Variants in ARID1B observed in about 807,000 individuals in gnomAD.
ARID1B encodes AT-rich interactive domain-containing protein 1B.
Under a neutral mutation model 212.3 loss-of-function variants are expected in ARID1B, and 30 were observed. That is an observed-to-expected ratio of 0.14 (90% confidence interval 0.11 to 0.19). The LOEUF is 0.19. Ranked by LOEUF, ARID1B falls within the 10% of genes least tolerant of loss-of-function variation. The pLI is 1.00. For missense variants in ARID1B, 2,891 were observed against 3,204.0 expected (o/e 0.90, Z 2.36); for synonymous variants, 1,402 against 1,301.7 (o/e 1.08, Z -1.66).
intron 1 of ARID1B, among the ~76,000 whole-genome samples, chr6:156,797,494 T>G (rs1274665206): frequency 1.3e-5 from 2 of 152,230 alleles, no homozygotes; most frequent in African/African-American, 4.8e-5. Flanking sequence ...TTGCCCGTGG[T>G]TGAAATGACC....
At position 157,134,249 on chromosome 6, in the gene ARID1B, C is replaced by T. The variant is rs548047905; in HGVS notation, c.2761+1042C>T. On this transcript the variant is annotated intron_variant, in intron 7 of 19. Transcript: ENST00000636930. ...TTTTACCTGCTGGTTCTCAGAAAAT[C>T]GCATCTTTCTGATGTATAGTACTTT... 4.6e-5 allele frequency among the ~76,000 whole-genome samples: 7 copies of T among 152,296 alleles called. No individual in the cohort carries two copies. The East Asian group carries it at 1.2e-3, about 25-fold the overall frequency.
In ARID1B at chr6:156,778,366, G is replaced by A. The variant is rs1208360824; in HGVS notation, c.686G>A (p.Gly229Asp). The A allele has an allele frequency of 8.8e-5, 136 of 1,539,242 alleles. No individual in the cohort carries two copies. The highest frequency in any genetic ancestry group is 1.1e-4 in the Non-Finnish European group (131 of 1,146,228). ...NNNSLGGAGG[G>D]APQPGPDMEQ... is the part of the protein sequence containing the mutation. The stretch of plus-strand genomic sequence containing the variant: ...AACAGCTTGGGCGGCGCGGGCGGCG[G>A]CGCGCCTCAGCCCGGCCCCGACATG... The change falls in exon 1 of 20, where the codon GGC becomes GAC. Residue 229 changes from glycine to aspartate, a missense_variant. By Grantham distance (94) the Gly-to-Asp change is moderately conservative. This residue lies in a region of ARID1B where 1,643 missense variants were observed against 1,544.0 expected (regional missense o/e 1.06). Transcript: ENST00000636930.
chr6:156,989,369 A>G (rs912958010), intron 4 of ARID1B, among the ~76,000 whole-genome samples: 3 of 152,212 alleles, frequency 2.0e-5, no homozygotes, highest in African/African-American at 7.2e-5. Flanking sequence ...GCGGTTATGA[A>G]GATTCCAAGC....
chr6:157,136,617 T>C (rs1162734492), intron 7 of ARID1B, among the ~76,000 whole-genome samples: 1 of 152,156 alleles, frequency 6.6e-6, no homozygotes, highest in Non-Finnish European at 1.5e-5. Flanking sequence ...ATCCCAGCAC[T>C]TTGGGAGTCC....
At chr6:157,155,704 A>T (rs1381796666) in intron 8 of ARID1B, among the ~76,000 whole-genome samples, 1 of 152,210 alleles carries the variant, frequency 6.6e-6, no homozygotes, top group Non-Finnish European at 1.5e-5. Context: ...TTAGCCACTC[A>T]TTAACAGGGT....
intron 6 of ARID1B, among the ~76,000 whole-genome samples, chr6:157,121,235 T>C (rs1787688046): frequency 6.6e-6 from 1 of 152,246 alleles, no homozygotes; most frequent in African/African-American, 2.4e-5. Context: ...TTTCATTGGA[T>C]GGTACTTTAA....
intron 17 of ARID1B, among the ~76,000 whole-genome samples, chr6:157,199,442 TC>T (rs1296526895): frequency 6.6e-6 from 1 of 151,962 alleles, no homozygotes; most frequent in Non-Finnish European, 1.5e-5. Flanking sequence ...ACGCAGGATC[TC>T]CCCCTTACAG....
In ARID1B at chr6:157,207,662, A is replaced by G. The variant is rs780516083; in HGVS notation, c.6890A>G (p.Gln2297Arg). Residue 2297 changes from glutamine to arginine, a missense_variant, in exon 20 of 20, where the codon CAG (glutamine) becomes CGG (arginine). Physicochemically the swap from Gln to Arg is conservative, Grantham distance 43. This residue lies in a region of ARID1B where 187 missense variants were observed against 306.5 expected (regional missense o/e 0.61). Transcript: ENST00000636930. The surrounding 1 kb of genome is among the most constrained non-coding windows in gnomAD (Gnocchi z 8.5). ...EDGVTMAQYQ[Q>R]SQHNLMHMQP... ...GGGGTCACGATGGCCCAGTACCAGC[A>G]GAGCCAGCACAACCTCATGCACATG... The G allele has an allele frequency of 6.2e-7, 1 of 1,613,896 alleles. No homozygotes were observed. The highest frequency in any genetic ancestry group is 8.5e-7 in the Non-Finnish European group (1 of 1,179,764).
At chr6:156,843,002 G>A (rs1784001244) in intron 2 of ARID1B, among the ~76,000 whole-genome samples, 1 of 152,256 alleles carries the variant, frequency 6.6e-6, no homozygotes, top group African/African-American at 2.4e-5. Flanking sequence ...TGTTAGGCAA[G>A]GTCATTTTGG....
In ARID1B at chr6:157,148,506, C is replaced by T; in HGVS notation, c.2762-118C>T. ...CTGCACCAGCAGCAACAGGAAGGGC[C>T]TATAACGGTCATGACTAATACTCCG... is the stretch of plus-strand genomic sequence containing the variant. On this transcript the variant is annotated intron_variant, in intron 7 of 19. Transcript: ENST00000636930. The surrounding 1 kb of genome is among the most constrained non-coding windows in gnomAD (Gnocchi z 5.6). 1 of 1,122,346 alleles carries T rather than the reference C, an allele frequency of 8.9e-7. No individual in the cohort carries two copies. The highest frequency in any genetic ancestry group is 1.2e-6 in the Non-Finnish European group (1 of 800,388). The allele number at this position is 1,122,346 out of a possible 1,614,324, so 69.5% of individuals were successfully genotyped here.
intron 4 of ARID1B, among the ~76,000 whole-genome samples, chr6:157,081,300 C>A (rs1252780721): frequency 6.6e-6 from 1 of 152,168 alleles, no homozygotes; most frequent in Non-Finnish European, 1.5e-5. Context: ...AGAGTTGGTG[C>A]CCTGCTGACT....
chr6:156,858,106 C>T (rs1386100941), intron 2 of ARID1B, among the ~76,000 whole-genome samples: 3 of 151,702 alleles, frequency 2.0e-5, no homozygotes, highest in Non-Finnish European at 4.4e-5. Context: ...CATTATGTTA[C>T]GTGTAATAAG....
intron 7 of ARID1B, among the ~76,000 whole-genome samples, chr6:157,145,632 C>T (rs1353478377): frequency 2.0e-5 from 3 of 152,128 alleles, no homozygotes; most frequent in Non-Finnish European, 2.9e-5. Flanking sequence ...TTAAGAAAGC[C>T]GGTTTTGACC....
chr6:156,817,231 T>A (rs1004484422), intron 1 of ARID1B, among the ~76,000 whole-genome samples: 3 of 151,178 alleles, frequency 2.0e-5, no homozygotes, highest in African/African-American at 7.3e-5. Context: ...CAAAAAAAAA[T>A]TAGCCAGGCG....
chr6:157,039,678 C>CTTCTTTCTTTCT (rs1562569214), intron 4 of ARID1B, among the ~76,000 whole-genome samples: 1,727 of 85,868 alleles, frequency 0.02, 95 homozygotes, highest in East Asian at 0.11. Flanking sequence ...TCCTTCCTTC[C>CTTCTTTCTTTCT]TTCCTTCCTT....
intron 4 of ARID1B, among the ~76,000 whole-genome samples, chr6:156,951,972 C>CT (rs1260245396): frequency 6.6e-6 from 1 of 152,176 alleles, no homozygotes; most frequent in Non-Finnish European, 1.5e-5. Flanking sequence ...TTTGCTGTAA[C>CT]TTGCTTAACT....
At chr6:157,143,910 G>C (rs1789543611) in intron 7 of ARID1B, among the ~76,000 whole-genome samples, 1 of 152,218 alleles carries the variant, frequency 6.6e-6, no homozygotes, top group African/African-American at 2.4e-5. Context: ...CAACCCAACT[G>C]ATTGGAGAGA....
chr6:157,080,739 G>A (rs1583272708), intron 4 of ARID1B, among the ~76,000 whole-genome samples: 2 of 152,268 alleles, frequency 1.3e-5, no homozygotes, highest in East Asian at 3.9e-4. Context: ...TTGTCACTAG[G>A]GTTAGAATGA....
rs72490811 is a variant in ARID1B, at chr6:156,896,576, CA to C, written c.1987-4776del. Among the ~76,000 whole-genome samples, 300 of 45,898 alleles carry C rather than the reference CA, an allele frequency of 6.5e-3. 1 individual carries two copies. In the East Asian group the frequency reaches 0.077, roughly 12 times the overall value. 30.1% of individuals were successfully genotyped at this position (45,898 alleles called of 152,430 possible). On this transcript the variant is annotated intron_variant, in intron 2 of 19. Transcript: ENST00000636930. The stretch of plus-strand genomic sequence containing the variant: ...GGGCAACAAGAGCAAAACTGCGTCT[CA>C]AAAAAAAAAAAAAAAAAAAAAAAGA...
Sources: allele counts gnomAD v4.1 joint callset (sites outside exome capture counted in the v4.1 genomes callset), GRCh38; gene constraint gnomAD v4.1.1; regional missense constraint gnomAD v4.1.1; non-coding constraint Gnocchi (gnomAD v3.1); transcripts MANE v1.5; gene names NCBI Gene and HGNC (gene_info 2026-07-23, HGNC 2026-07-21).